DGKI: variants seen among roughly 807,000 people sequenced by gnomAD.
The protein encoded by DGKI is DAG kinase iota.
DGKI carries 55 observed loss-of-function variants against 147.5 expected under a neutral mutation model. The observed-to-expected ratio is 0.37, with a 90% CI of 0.30 to 0.47. The LOEUF (loss-of-function observed/expected upper bound fraction) is 0.47, where lower values mean the gene tolerates loss of function less well. Ranked by LOEUF, DGKI falls within the 20% of genes least tolerant of loss-of-function variation. The pLI, the probability that DGKI is intolerant of heterozygous loss-of-function variation, is 1.00. For synonymous variants in DGKI, 469 were observed against 477.1 expected, an observed-to-expected ratio of 0.98 and a Z score of 0.22; for missense variants, 1,007 against 1,323.8, an observed-to-expected ratio of 0.76 and a Z score of 3.71.
At chr7:137,672,673 ATCCTCGGAGGGCCTTGGCT>A (rs1466758535) in intron 3 of DGKI, among the ~76,000 whole-genome samples, 1 of 148,372 alleles carries the variant, frequency 6.7e-6, no homozygotes, top group Non-Finnish European at 1.5e-5. Flanking sequence ...GAGAGCCACG[ATCCTCGGAGGGCCTTGGCT>A]TGCAGCTGCC....
At chr7:137,444,321 A>G (rs1349170545) in intron 27 of DGKI, among the ~76,000 whole-genome samples, 1 of 152,174 alleles carries the variant, frequency 6.6e-6, no homozygotes, top group Non-Finnish European at 1.5e-5. Context: ...ATATCAGTCT[A>G]TGCATGGTGT....
At position 137,597,910 on chromosome 7, in the gene DGKI, G is replaced by A. The variant is rs1198834726; in HGVS notation, c.1251-3C>T. ...GTACTTTCCTATACAATTCAAGCCT[G>A]TAGAGGAAATAGAAGAAAAAGTAAA... On this transcript the variant is annotated splice_region_variant and splice_polypyrimidine_tract_variant and intron_variant, in intron 11 of 32. Coordinates refer to ENST00000614521, the MANE Select transcript of DGKI (RefSeq NM_001321708.2). The A allele has an allele frequency of 5.0e-6, 8 of 1,612,922 alleles. No individual in the cohort carries two copies. The Admixed American group carries it at 1.2e-4, about 24-fold the overall frequency.
intron 20 of DGKI, among the ~76,000 whole-genome samples, chr7:137,550,067 A>T (rs906963850): frequency 6.6e-6 from 1 of 152,192 alleles, no homozygotes; most frequent in South Asian, 2.1e-4. Flanking sequence ...CCCATTTCTC[A>T]TAAGTCTTTC....
chr7:137,599,131 A>T (rs575657496), intron 11 of DGKI, among the ~76,000 whole-genome samples: 1 of 152,338 alleles, frequency 6.6e-6, no homozygotes, highest in Non-Finnish European at 1.5e-5. Context: ...ATCCTAGTAC[A>T]TGAATTTAAA....
Position 137,773,371 on chromosome 7 carries a change from G to T in DGKI, c.401+73091C>A, listed in dbSNP as rs139771773. ...ACTTGCCAAGAAGATACTATCAGGC[G>T]TTTGGCCAGAGAAACACATTACTGC... On this transcript the variant is annotated intron_variant, in intron 1 of 32. Coordinates refer to ENST00000614521, the MANE Select transcript of DGKI (RefSeq NM_001321708.2). Among the ~76,000 whole-genome samples the T allele has an allele frequency of 8.1e-4, 124 of 152,296 alleles. No individual in the cohort carries two copies. In the East Asian group the frequency reaches 8.9e-3, roughly 11 times the overall value.
chr7:137,512,551 T>C (rs1816614445), intron 21 of DGKI, among the ~76,000 whole-genome samples: 1 of 152,162 alleles, frequency 6.6e-6, no homozygotes, highest in Non-Finnish European at 1.5e-5. Context: ...GGTCTATAAA[T>C]AGTAAGAGTT....
intron 23 of DGKI, among the ~76,000 whole-genome samples, chr7:137,470,558 T>C (rs968389648): frequency 2.0e-5 from 3 of 152,164 alleles, no homozygotes; most frequent in African/African-American, 7.2e-5. Context: ...TTTTAATTTT[T>C]ATTTCATTTA....
intron 4 of DGKI, among the ~76,000 whole-genome samples, chr7:137,655,880 C>A (rs1425056765): frequency 6.6e-6 from 1 of 152,192 alleles, no homozygotes; most frequent in Non-Finnish European, 1.5e-5. Context: ...TGGAGCCTTT[C>A]CCATCCCCTA....
intron 19 of DGKI, among the ~76,000 whole-genome samples, chr7:137,558,370 C>T (rs1164855962): frequency 1.3e-5 from 2 of 152,168 alleles, no homozygotes; most frequent in African/African-American, 4.8e-5. Flanking sequence ...ACCTCTGCCT[C>T]CAAAGCAATT....
intron 1 of DGKI, among the ~76,000 whole-genome samples, chr7:137,757,689 G>A (rs1795731186): frequency 6.6e-6 from 1 of 152,078 alleles, no homozygotes; most frequent in Non-Finnish European, 1.5e-5. Flanking sequence ...GCCAGAACCT[G>A]GCAAACAGCT....
intron 1 of DGKI, among the ~76,000 whole-genome samples, chr7:137,824,373 GGGCATGGT>G (rs1387444234): frequency 6.6e-6 from 1 of 151,986 alleles, no homozygotes; most frequent in African/African-American, 2.4e-5. Flanking sequence ...AAAATTAGCT[GGGCATGGT>G]GGCACATGTC....
At chr7:137,563,360 A>G (rs1272825209) in intron 19 of DGKI, among the ~76,000 whole-genome samples, 1 of 152,056 alleles carries the variant, frequency 6.6e-6, no homozygotes, top group Non-Finnish European at 1.5e-5. Flanking sequence ...AAACATGTGC[A>G]TTCTTATCAT....
chr7:137,552,348 G>A, intron 20 of DGKI, 21 bp downstream of exon 20: 2 of 1,611,814 alleles, frequency 1.2e-6, no homozygotes, highest in African/African-American at 1.3e-5. Flanking sequence ...GTTAAGCAAG[G>A]TAGGCCATGA....
chr7:137,492,388 G>GT (rs1815796700), intron 21 of DGKI, among the ~76,000 whole-genome samples: 1 of 152,148 alleles, frequency 6.6e-6, no homozygotes, highest in Non-Finnish European at 1.5e-5. Context: ...CAGAAGGAAG[G>GT]TATTGAGAAT....
intron 6 of DGKI, among the ~76,000 whole-genome samples, chr7:137,628,204 G>A (rs971573862): frequency 6.6e-6 from 1 of 152,124 alleles, no homozygotes; most frequent in East Asian, 1.9e-4. Context: ...TTTTGGGAGA[G>A]AATAGATACA....
At position 137,383,076 on chromosome 7, in the gene DGKI, A is replaced by C. The variant is rs1447578666; in HGVS notation, c.*8144T>G. 6.6e-6 allele frequency: 1 copy of C among 151,870 alleles called. No homozygotes were observed. Among genetic ancestry groups the C allele is most frequent in the African/African-American group, 2.4e-5 (1 of 41,392 alleles). The allele number at this position is 151,870 out of a possible 1,614,324, so 9.4% of individuals were successfully genotyped here. On this transcript the variant is annotated 3_prime_UTR_variant, in exon 33 of 33. Coordinates refer to ENST00000614521, the MANE Select transcript of DGKI (RefSeq NM_001321708.2). ...TTTCCCACCCTCTTCTCCAGTCCTG[A>C]CTCTACATCCCAAACAACAAATGGG...
At chr7:137,393,225 A>ATT (rs35233886) in intron 32 of DGKI, among the ~76,000 whole-genome samples, 56 of 151,188 alleles carry the variant, frequency 3.7e-4, no homozygotes, top group Middle Eastern at 3.4e-3. Flanking sequence ...AGCTATTTCC[A>ATT]TTTTTTTTTA....
At chr7:137,741,399 G>C (rs1275846341) in intron 1 of DGKI, among the ~76,000 whole-genome samples, 1 of 152,174 alleles carries the variant, frequency 6.6e-6, no homozygotes. Flanking sequence ...TTTGAAAAGA[G>C]GGCATGCGAA....
intron 1 of DGKI, among the ~76,000 whole-genome samples, chr7:137,721,668 CT>C (rs1298239566): frequency 6.6e-6 from 1 of 152,148 alleles, no homozygotes; most frequent in Non-Finnish European, 1.5e-5. Flanking sequence ...AACATTTTTG[CT>C]TAAAACCATT....
Sources: allele counts gnomAD v4.1 joint callset (sites outside exome capture counted in the v4.1 genomes callset), GRCh38; gene constraint gnomAD v4.1.1; transcripts MANE v1.5; gene names NCBI Gene and HGNC (gene_info 2026-07-23, HGNC 2026-07-21).